The following FUNDC1 variants were observed in gnomAD, a reference collection of about 807,000 sequenced individuals.
FUNDC1 encodes FUN14 domain containing 1.
In FUNDC1, 10 loss-of-function variants were observed where a neutral mutation model predicts 14.5. That is an observed-to-expected ratio of 0.69 (90% confidence interval 0.43 to 1.17). The LOEUF (loss-of-function observed/expected upper bound fraction) is 1.17, where lower values mean the gene tolerates loss of function less well. Ranked by LOEUF, FUNDC1 falls within the 50% of genes most tolerant of loss-of-function variation. The pLI, the probability that FUNDC1 is intolerant of heterozygous loss-of-function variation, is 0.00. For synonymous variants in FUNDC1, 33 were observed against 39.7 expected (o/e 0.83, Z 0.64); for missense variants, 115 against 113.8 (o/e 1.01, Z -0.05).
At chrX:44,531,267 C>G (rs772089167) in intron 3 of FUNDC1, among the ~76,000 whole-genome samples, 1 of 71,198 alleles carries the variant, frequency 1.4e-5, no homozygotes, top group Non-Finnish European at 2.5e-5. Flanking sequence ...CACACACACA[C>G]ACACACACAC....
rs1473173507 is a variant in FUNDC1, at chrX:44,533,135, C to G, written c.261+5332G>C. Reference sequence around the variant, plus strand: ...TCTTCGAATTAGAGAAGACATTCAACTATACCATCTCTCACAAGCCTTCTT... The same window carrying G: ...TCTTCGAATTAGAGAAGACATTCAAGTATACCATCTCTCACAAGCCTTCTT... On this transcript the variant is annotated intron_variant, in intron 3 of 4. Transcript: ENST00000378045. Among the ~76,000 whole-genome samples, 3 of 111,755 alleles carry G rather than the reference C, an allele frequency of 2.7e-5. No individual in the cohort carries two copies. The East Asian group carries it at 8.5e-4, about 32-fold the overall frequency.
At chrX:44,542,198 T>A in intron 1 of FUNDC1, 97 bp from the exon 2 acceptor site, 1 of 636,677 alleles carries the variant, frequency 1.6e-6, no homozygotes, top group Middle Eastern at 4.8e-4. Flanking sequence ...ACTCATTAGT[T>A]CTGGCCTACA....
chrX:44,525,549 T>C (rs2038897185), intron 4 of FUNDC1, among the ~76,000 whole-genome samples: 1 of 110,616 alleles, frequency 9.0e-6, no homozygotes, highest in Non-Finnish European at 1.9e-5. Context: ...AATATTAATA[T>C]GAACTGCATA....
chrX:44,533,648 A>C lies in FUNDC1; in HGVS notation c.261+4819T>G, dbSNP rs1172736896. On this transcript the variant is annotated intron_variant, in intron 3 of 4. Transcript: ENST00000378045. ...GTCTCAAAAAAAAAAAAAAAAAAAA[A>C]ACAACAAAACAACAACAACAAAAAA... 5.2e-3 allele frequency among the ~76,000 whole-genome samples: 493 copies of C among 95,459 alleles called. 8 individuals are homozygous for C. Among genetic ancestry groups the C allele is most frequent in the African/African-American group, 0.021 (450 of 21,550 alleles). 82.9% of individuals were successfully genotyped at this position (95,459 alleles called of 115,157 possible). A position where few individuals can be genotyped will look rare whatever the true frequency, so the allele number is the denominator to read the frequency against.
chrX:44,538,939 G>A (rs1387010679), intron 2 of FUNDC1, among the ~76,000 whole-genome samples: 1 of 110,818 alleles, frequency 9.0e-6, no homozygotes, highest in African/African-American at 3.3e-5. Context: ...CCCCACCTTC[G>A]GCTCCAACCC....
At chrX:44,537,868 C>T (rs1207096293) in intron 3 of FUNDC1, among the ~76,000 whole-genome samples, 2 of 112,769 alleles carry the variant, frequency 1.8e-5, no homozygotes, top group Non-Finnish European at 3.7e-5. Flanking sequence ...AGATGATGCC[C>T]TGATAAACAT....
At chrX:44,532,350 A>G (rs747109377) in intron 3 of FUNDC1, among the ~76,000 whole-genome samples, 3 of 100,425 alleles carry the variant, frequency 3.0e-5, no homozygotes, top group African/African-American at 1.1e-4. Context: ...CCAAGATCAC[A>G]CCACTTGCAC....
intron 3 of FUNDC1, among the ~76,000 whole-genome samples, chrX:44,530,035 G>C (rs1254288763): frequency 9.0e-6 from 1 of 111,670 alleles, no homozygotes; most frequent in Non-Finnish European, 1.9e-5. Context: ...CCCTGCTCCA[G>C]TACAGAGATG....
intron 3 of FUNDC1, among the ~76,000 whole-genome samples, chrX:44,535,286 G>C (rs1237801393): frequency 9.0e-6 from 1 of 111,164 alleles, no homozygotes; most frequent in East Asian, 2.8e-4. Flanking sequence ...ATGACTCTGG[G>C]ACCAAGTTTG....
rs1262808562 is a variant in FUNDC1 at position 44,531,294 on chromosome X, G to C, written c.262-3929C>G. On this transcript the variant is annotated intron_variant, in intron 3 of 4. Transcript: ENST00000378045. ...CACACACACACACACACGGCTTTCA[G>C]ATGAAGATTCATGTTGGCCAGACAC... is the stretch of plus-strand genomic sequence containing the variant. 6.1e-3 allele frequency among the ~76,000 whole-genome samples: 225 copies of C among 36,599 alleles called. 35 individuals carry two copies. The highest frequency in any genetic ancestry group is 0.019 in the African/African-American group (30 of 1,586). The allele number at this position is 36,599 out of a possible 115,157, so 31.8% of individuals were successfully genotyped here.
chrX:44,542,572 A>C (rs1359639294), intron 1 of FUNDC1, among the ~76,000 whole-genome samples: 1 of 109,594 alleles, frequency 9.1e-6, no homozygotes, highest in African/African-American at 3.3e-5. Context: ...CCGGAGGTGA[A>C]GGTAAGGCAG....
At chrX:44,531,327 C>CAG (rs1235446342) in intron 3 of FUNDC1, among the ~76,000 whole-genome samples, 4 of 65,214 alleles carry the variant, frequency 6.1e-5, no homozygotes, top group Non-Finnish European at 7.6e-5. Flanking sequence ...CACACACACA[C>CAG]ACACACACAC....
Sources: gnomAD v4.1 joint callset for allele counts (sites outside exome capture counted in the v4.1 genomes callset) on GRCh38, gnomAD v4.1.1 for gene constraint, MANE v1.5 for transcripts, NCBI Gene and HGNC (gene_info 2026-07-23, HGNC 2026-07-21) for gene names.